Variants in ATP13A4 observed in about 807,000 individuals in gnomAD.
ATP13A4 encodes ATPase 13A4, also known as probable cation-transporting ATPase 13A4.
A neutral mutation model predicts 142.5 loss-of-function variants in ATP13A4; 114 were observed. That is an observed-to-expected ratio of 0.80 (90% CI 0.69 to 0.93). The LOEUF (loss-of-function observed/expected upper bound fraction) is 0.93. Among genes scored for constraint, ATP13A4 ranks in the 40% least tolerant of loss-of-function variants. The probability of loss-of-function intolerance (pLI) is 0.00; values close to 1 mark genes in which losing one functional copy is unlikely to be tolerated. For missense variants in ATP13A4, 1,392 were observed against 1,454.0 expected, an observed-to-expected ratio of 0.96 and a Z score of 0.69; for synonymous variants, 488 against 514.8, an observed-to-expected ratio of 0.95 and a Z score of 0.70.
At chr3:193,533,984 G>C (rs1455598329) in intron 1 of ATP13A4, among the ~76,000 whole-genome samples, 1 of 152,180 alleles carries the variant, frequency 6.6e-6, no homozygotes. Flanking sequence ...CCAGTAGAGA[G>C]TTAGAACTTT....
upstream of ATP13A4, among the ~76,000 whole-genome samples, chr3:193,557,959 C>A (rs1723938021): frequency 6.6e-6 from 1 of 152,172 alleles, no homozygotes. Context: ...GCAGCATGGG[C>A]TGCATGAAGG....
At chr3:193,417,789 T>A (rs1339955511) in intron 25 of ATP13A4, among the ~76,000 whole-genome samples, 1 of 145,114 alleles carries the variant, frequency 6.9e-6, no homozygotes, top group African/African-American at 2.6e-5. Flanking sequence ...ATCGAGACCA[T>A]CCTGGCTAAC....
chr3:193,476,002 A>T (rs1718942754), intron 8 of ATP13A4, among the ~76,000 whole-genome samples: 1 of 152,050 alleles, frequency 6.6e-6, no homozygotes, highest in Non-Finnish European at 1.5e-5. Flanking sequence ...AGAGAAACAC[A>T]AGTACAATGA....
At chr3:193,469,389 G>A (rs1296997699) in intron 9 of ATP13A4, among the ~76,000 whole-genome samples, 2 of 152,184 alleles carry the variant, frequency 1.3e-5, no homozygotes, top group Non-Finnish European at 2.9e-5. Context: ...ACTTTGGGAG[G>A]CCCAGGAGGG....
intron 8 of ATP13A4, among the ~76,000 whole-genome samples, chr3:193,475,505 T>C (rs1254648357): frequency 1.3e-5 from 2 of 151,864 alleles, no homozygotes; most frequent in Admixed American, 1.3e-4. Flanking sequence ...ATATAATCTG[T>C]TTATATTTTT....
chr3:193,578,034 C>T (rs1339915215), intron 2 of ATP13A4, among the ~76,000 whole-genome samples: 1 of 152,056 alleles, frequency 6.6e-6, no homozygotes, highest in Non-Finnish European at 1.5e-5. Context: ...GTGGCTCACT[C>T]TTATAATCCC....
At chr3:193,409,742 ATTAG>A in intron 28 of ATP13A4, among the ~76,000 whole-genome samples, 1 of 152,350 alleles carries the variant, frequency 6.6e-6, no homozygotes, top group South Asian at 2.1e-4. Flanking sequence ...AACTAAAGAT[ATTAG>A]TTAGTATGCC....
chr3:193,573,297 A>ATATATATATTCT (rs1724321322), intron 2 of ATP13A4, among the ~76,000 whole-genome samples: 2 of 108,954 alleles, frequency 1.8e-5, no homozygotes, highest in African/African-American at 4.2e-5. Context: ...ATACACATAT[A>ATATATATATTCT]TATATATATA....
intron 3 of ATP13A4, among the ~76,000 whole-genome samples, chr3:193,495,452 T>A (rs561864314): frequency 6.6e-6 from 1 of 152,008 alleles, no homozygotes; most frequent in Non-Finnish European, 1.5e-5. Context: ...TGAATAAACA[T>A]AAAATATCAC....
intron 3 of ATP13A4, among the ~76,000 whole-genome samples, chr3:193,499,701 A>G (rs1371573486): frequency 6.6e-6 from 1 of 152,208 alleles, no homozygotes; most frequent in African/African-American, 2.4e-5. Context: ...CTACTTATTA[A>G]TTATATAAAT....
At chr3:193,405,046 C>T (rs1163317765) in intron 29 of ATP13A4, among the ~76,000 whole-genome samples, 2 of 152,186 alleles carry the variant, frequency 1.3e-5, no homozygotes, top group African/African-American at 4.8e-5. Flanking sequence ...TAAGGTCCTG[C>T]TCAAACCTGT....
chr3:193,492,061 A>G (rs1005446096), intron 5 of ATP13A4, among the ~76,000 whole-genome samples: 1 of 152,212 alleles, frequency 6.6e-6, no homozygotes, highest in African/African-American at 2.4e-5. Context: ...TAGCTTGGTC[A>G]AATGTATGAG....
intron 25 of ATP13A4, among the ~76,000 whole-genome samples, chr3:193,433,592 AG>A: frequency 6.6e-6 from 1 of 152,218 alleles, no homozygotes; most frequent in Non-Finnish European, 1.5e-5. Flanking sequence ...TTAAGTGTTT[AG>A]TGACCATTTA....
chr3:193,505,059 C>A (rs1378523391), intron 2 of ATP13A4, among the ~76,000 whole-genome samples: 1 of 152,180 alleles, frequency 6.6e-6, no homozygotes, highest in African/African-American at 2.4e-5. Flanking sequence ...TCAAGCCAGT[C>A]TGAAACTGGT....
intron 2 of ATP13A4, among the ~76,000 whole-genome samples, chr3:193,576,635 T>A (rs1724403770): frequency 6.6e-6 from 1 of 152,154 alleles, no homozygotes; most frequent in Non-Finnish European, 1.5e-5. Flanking sequence ...GGTTACGGCA[T>A]CAAATAAGAA....
At chr3:193,452,786 T>C (rs918525789) in intron 17 of ATP13A4, among the ~76,000 whole-genome samples, 1 of 77,006 alleles carries the variant, frequency 1.3e-5, no homozygotes, top group Non-Finnish European at 2.8e-5. Context: ...ACTATTATTA[T>C]ATATATAATA....
At chr3:193,464,763 C>T (rs1252911140) in intron 12 of ATP13A4, among the ~76,000 whole-genome samples, 177 bp downstream of exon 12, 1 of 152,156 alleles carries the variant, frequency 6.6e-6, no homozygotes. Flanking sequence ...TCCTCTAAAC[C>T]TTGGACTCTG....
chr3:193,531,309 A>C, intron 1 of ATP13A4, among the ~76,000 whole-genome samples: 1 of 110,632 alleles, frequency 9.0e-6, no homozygotes, highest in Admixed American at 9.0e-5. Context: ...GAAGGAAGGA[A>C]GGAAGGAAGG....
chr3:193,529,936 T>C (rs1181363542), intron 1 of ATP13A4, among the ~76,000 whole-genome samples: 5 of 152,320 alleles, frequency 3.3e-5, no homozygotes, highest in South Asian at 2.1e-4. Flanking sequence ...GGTAAATGCA[T>C]AAGTCTGTTT....
Sources: gnomAD v4.1 joint callset for allele counts (sites outside exome capture counted in the v4.1 genomes callset) on GRCh38, gnomAD v4.1.1 for gene constraint, MANE v1.5 for transcripts, NCBI Gene and HGNC (gene_info 2026-07-23, HGNC 2026-07-21) for gene names.